DAAM1: variants seen among roughly 807,000 people sequenced by gnomAD.
DAAM1 encodes dishevelled associated activator of morphogenesis 1.
A neutral mutation model predicts 130.0 loss-of-function variants in DAAM1; 52 were observed. The ratio of observed to expected loss-of-function variants is 0.40; its 90% CI spans 0.32 to 0.50. DAAM1 has a LOEUF of 0.50. Among genes scored for constraint, DAAM1 ranks in the 20% least tolerant of loss-of-function variants. The pLI, the probability that DAAM1 is intolerant of heterozygous loss-of-function variation, is 0.61. For missense variants in DAAM1, 1,134 were observed against 1,303.8 expected, an observed-to-expected ratio of 0.87 and a Z score of 2.01; for synonymous variants, 452 against 444.5, an observed-to-expected ratio of 1.02 and a Z score of -0.21.
At chr14:59,289,784 A>ATATATATATATACACATAT in intron 2 of DAAM1, among the ~76,000 whole-genome samples, 1 of 128,760 alleles carries the variant, frequency 7.8e-6, no homozygotes, top group African/African-American at 2.9e-5. Context: ...ATATATATAT[A>ATATATATATATACACATAT]ATGGAATGCT....
chr14:59,325,627 T>A (rs755470601), intron 8 of DAAM1, 37 bp from the exon 9 acceptor site: 5 of 1,567,742 alleles, frequency 3.2e-6, no homozygotes, highest in South Asian at 1.1e-5. Context: ...GTTTATAGGA[T>A]GTTCTACTTA....
At chr14:59,317,715 T>C (rs1488829238) in intron 4 of DAAM1, among the ~76,000 whole-genome samples, 1 of 152,208 alleles carries the variant, frequency 6.6e-6, no homozygotes, top group Non-Finnish European at 1.5e-5. Flanking sequence ...ATAAGGAGTC[T>C]GAGACTCCAG....
chr14:59,315,874 A>G (rs1366382363), intron 4 of DAAM1, among the ~76,000 whole-genome samples: 1 of 152,208 alleles, frequency 6.6e-6, no homozygotes, highest in Non-Finnish European at 1.5e-5. Flanking sequence ...AAAAGGCGTC[A>G]TAATAATAGT....
At chr14:59,284,935 G>A (rs907134915) in intron 2 of DAAM1, among the ~76,000 whole-genome samples, 10 of 152,098 alleles carry the variant, frequency 6.6e-5, no homozygotes, top group Non-Finnish European at 1.5e-4. Context: ...AGGGGTTGAC[G>A]TGCAAATTCA....
At position 59,204,288 on chromosome 14, in the gene DAAM1, A is replaced by G. The variant is rs115720103; in HGVS notation, c.-38+15520A>G. On this transcript the variant is annotated intron_variant, in intron 1 of 24. Coordinates refer to ENST00000360909, the MANE Select transcript of DAAM1 (RefSeq NM_001270520.2). ...TCCAAGCTCATGAAGTGTTGGCAGA[A>G]TTTATTTCCTGTGACCATGGGACTG... is the stretch of plus-strand genomic sequence containing the variant. Among the ~76,000 whole-genome samples, 325 of 152,282 alleles carry G rather than the reference A, an allele frequency of 2.1e-3. 2 individuals carry two copies. The highest frequency in any genetic ancestry group is 7.5e-3 in the African/African-American group (310 of 41,560).
intron 1 of DAAM1, among the ~76,000 whole-genome samples, chr14:59,189,727 C>T (rs545189955): frequency 2.6e-4 from 40 of 152,288 alleles, no homozygotes; most frequent in Admixed American, 5.2e-4. Context: ...TGGAGACGTG[C>T]AGGAGGCCCA....
At chr14:59,287,192 T>C (rs1285047550) in intron 2 of DAAM1, among the ~76,000 whole-genome samples, 1 of 152,156 alleles carries the variant, frequency 6.6e-6, no homozygotes, top group Non-Finnish European at 1.5e-5. Flanking sequence ...TTTGATCATC[T>C]CTATAGATGC....
chr14:59,344,771 T>C (rs1886004193), intron 16 of DAAM1, among the ~76,000 whole-genome samples: 1 of 152,184 alleles, frequency 6.6e-6, no homozygotes. Flanking sequence ...ATATACAATT[T>C]CAAAAGCAAG....
intron 20 of DAAM1, among the ~76,000 whole-genome samples, chr14:59,355,757 T>G (rs1446079897): frequency 6.6e-6 from 1 of 152,152 alleles, no homozygotes; most frequent in African/African-American, 2.4e-5. Flanking sequence ...GACAGAATGT[T>G]ACCAGCACTC....
At chr14:59,195,125 C>G (rs1887843555) in intron 1 of DAAM1, among the ~76,000 whole-genome samples, 1 of 148,994 alleles carries the variant, frequency 6.7e-6, no homozygotes, top group Non-Finnish European at 1.5e-5. Flanking sequence ...TTTTCTTAAT[C>G]ATTCATCTTG....
chr14:59,316,425 C>CT (rs1485918489), intron 4 of DAAM1, among the ~76,000 whole-genome samples: 2 of 151,988 alleles, frequency 1.3e-5, no homozygotes, highest in Non-Finnish European at 2.9e-5. Context: ...TCTTTTTTAG[C>CT]TTTTTTCTTA....
At chr14:59,189,418 G>T (rs537886707) in intron 1 of DAAM1, among the ~76,000 whole-genome samples, 14 of 152,360 alleles carry the variant, frequency 9.2e-5, no homozygotes, top group African/African-American at 3.4e-4. Flanking sequence ...GGAGAGCAGG[G>T]TGTTGGCGGC....
intron 3 of DAAM1, among the ~76,000 whole-genome samples, chr14:59,297,103 C>A (rs1354120682): frequency 6.6e-6 from 1 of 152,176 alleles, no homozygotes; most frequent in African/African-American, 2.4e-5. Flanking sequence ...CCAGTAAAAA[C>A]CACCCTGCCA....
chr14:59,214,948 A>G (rs1004282075), intron 1 of DAAM1, among the ~76,000 whole-genome samples: 8 of 152,186 alleles, frequency 5.3e-5, no homozygotes, highest in Non-Finnish European at 1.0e-4. Flanking sequence ...GCACTATTTT[A>G]TATTTCCACC....
intron 22 of DAAM1, chr14:59,362,409 T>G (rs1465004185): frequency 6.6e-6 from 1 of 152,140 alleles, no homozygotes; most frequent in African/African-American, 2.4e-5. Context: ...ACAAATTAAT[T>G]ATATTGTTTG....
At chr14:59,197,641 C>A (rs1388280729) in intron 1 of DAAM1, among the ~76,000 whole-genome samples, 1 of 152,220 alleles carries the variant, frequency 6.6e-6, no homozygotes, top group Non-Finnish European at 1.5e-5. Context: ...ATGATATTTT[C>A]TGCTAAGGGC....
intron 15 of DAAM1, chr14:59,338,464 T>C (rs1183236358): frequency 6.3e-7 from 1 of 1,597,556 alleles, no homozygotes; most frequent in Admixed American, 1.7e-5. Flanking sequence ...CTTGGCTCAC[T>C]GTAAGCTTGA....
chr14:59,255,083 C>G (rs1405380530), intron 1 of DAAM1, among the ~76,000 whole-genome samples: 1 of 152,160 alleles, frequency 6.6e-6, no homozygotes, highest in Non-Finnish European at 1.5e-5. Flanking sequence ...ATGCTAATGG[C>G]TTTTTTGAAC....
At chr14:59,313,723 C>A (rs564368513) in intron 3 of DAAM1, among the ~76,000 whole-genome samples, 1 of 152,266 alleles carries the variant, frequency 6.6e-6, no homozygotes, top group South Asian at 2.1e-4. Flanking sequence ...TGCTAATACT[C>A]CCTTTTAAGA....
Sources: gnomAD v4.1 joint callset for allele counts (sites outside exome capture counted in the v4.1 genomes callset) on GRCh38, gnomAD v4.1.1 for gene constraint, MANE v1.5 for transcripts, NCBI Gene and HGNC (gene_info 2026-07-23, HGNC 2026-07-21) for gene names.